The following PVT1 variants were observed in gnomAD, a reference collection of about 807,000 sequenced individuals.
PVT1 encodes CXCR4/PVT1 fusion.
At chr8:127,818,151 G>A (rs1401364051) in intron 2 of PVT1, among the ~76,000 whole-genome samples, 1 of 152,188 alleles carries the variant, frequency 6.6e-6, no homozygotes, top group African/African-American at 2.4e-5. Context: ...ACTTGCCCAG[G>A]TGGGATTTCA....
At chr8:127,944,206 A>G (rs73359224) in intron 3 of PVT1, among the ~76,000 whole-genome samples, 2,845 of 152,242 alleles carry the variant, frequency 0.019, 93 homozygotes, top group African/African-American at 0.065. Context: ...TCCTGCTTCA[A>G]CATCCCAAAG....
intron 3 of PVT1, among the ~76,000 whole-genome samples, chr8:127,928,014 C>A (rs1413064100): frequency 6.6e-6 from 1 of 152,198 alleles, no homozygotes; most frequent in Non-Finnish European, 1.5e-5. Context: ...GGGGCCATCT[C>A]CCACTACCTA....
intron 2 of PVT1, among the ~76,000 whole-genome samples, chr8:127,831,468 A>G (rs1814850221): frequency 6.6e-6 from 1 of 152,138 alleles, no homozygotes. Flanking sequence ...CCAACTAGGT[A>G]CTTGGCAAAG....
chr8:128,010,807 C>T (rs1031744327), intron 4 of PVT1, among the ~76,000 whole-genome samples: 16 of 152,280 alleles, frequency 1.1e-4, no homozygotes, highest in African/African-American at 3.6e-4. Context: ...TGTTGAATCA[C>T]ACACACTTGA....
intron 3 of PVT1, among the ~76,000 whole-genome samples, chr8:127,965,930 G>A (rs1816698845): frequency 6.6e-6 from 1 of 152,232 alleles, no homozygotes; most frequent in Non-Finnish European, 1.5e-5. Flanking sequence ...CTTTTGGAAA[G>A]ACTACTTTGA....
intron 4 of PVT1, among the ~76,000 whole-genome samples, chr8:127,995,827 C>T (rs1031768402): frequency 1.3e-5 from 2 of 152,150 alleles, no homozygotes; most frequent in African/African-American, 2.4e-5. Flanking sequence ...CTCCAGTTTG[C>T]AAATGAAGGA....
intron 2 of PVT1, among the ~76,000 whole-genome samples, chr8:127,885,547 CT>C (rs1027680293): frequency 1.3e-5 from 2 of 152,118 alleles, no homozygotes; most frequent in Non-Finnish European, 2.9e-5. Flanking sequence ...TTTTATACCT[CT>C]TTTATAAGGG....
intron 4 of PVT1, among the ~76,000 whole-genome samples, chr8:128,040,329 C>T (rs960772519): frequency 2.0e-5 from 3 of 152,308 alleles, no homozygotes; most frequent in African/African-American, 7.2e-5. Context: ...ATTCTGACCC[C>T]ACATTGCCTT....
intron 2 of PVT1, among the ~76,000 whole-genome samples, chr8:127,823,930 C>T (rs1262647074): frequency 3.9e-5 from 6 of 152,280 alleles, no homozygotes; most frequent in African/African-American, 9.6e-5. Flanking sequence ...AGGTGGCTCA[C>T]GCCTGTAATC....
In PVT1 at chr8:127,910,378, C is replaced by T. The variant is rs531977968; in HGVS notation, n.782+19380C>T. 4.7e-4 allele frequency among the ~76,000 whole-genome samples: 71 copies of T among 152,330 alleles called. 1 individual carries two copies. The South Asian group carries it at 6.6e-3, about 14-fold the overall frequency. On this transcript the variant is annotated intron_variant and non_coding_transcript_variant, in intron 3 of 10. Transcript: ENST00000651587. ...ACTCTATTGCCTTGGCTTCTCCAAACTTTGGTGTCCTCATCTGCAAACTGG... is the reference window on the plus strand; with the variant it reads ...ACTCTATTGCCTTGGCTTCTCCAAATTTTGGTGTCCTCATCTGCAAACTGG...
chr8:127,856,604 G>A (rs1815163360), intron 2 of PVT1, among the ~76,000 whole-genome samples: 2 of 152,120 alleles, frequency 1.3e-5, no homozygotes, highest in South Asian at 2.1e-4. Flanking sequence ...GCCTTCCAAA[G>A]TGCTGGGATT....
intron 4 of PVT1, among the ~76,000 whole-genome samples, chr8:128,001,396 G>T (rs187959508): frequency 1.3e-5 from 2 of 151,988 alleles, no homozygotes; most frequent in Admixed American, 1.3e-4. Flanking sequence ...CAGTGCTGAG[G>T]GGGGAAGTGA....
At chr8:128,035,528 C>T (rs965140156) in intron 4 of PVT1, among the ~76,000 whole-genome samples, 3 of 152,136 alleles carry the variant, frequency 2.0e-5, no homozygotes, top group African/African-American at 4.8e-5. Context: ...AATGTGATGA[C>T]GAGTAAGACA....
At chr8:128,079,004 C>CTTTTT (rs200203311) in intron 5 of PVT1, among the ~76,000 whole-genome samples, 5 of 127,952 alleles carry the variant, frequency 3.9e-5, no homozygotes, top group African/African-American at 5.7e-5. Context: ...CTTTTCTTTT[C>CTTTTT]TTTTTTTTTT....
At chr8:128,099,301 C>T (rs1814470330) in intron 6 of PVT1, 1 of 152,238 alleles carries the variant, frequency 6.6e-6, no homozygotes, top group South Asian at 2.1e-4. Flanking sequence ...GGCCAAGAGA[C>T]CTCTAGGTCA....
intron 3 of PVT1, chr8:127,960,717 A>C (rs1816630298): frequency 2.0e-6 from 1 of 510,014 alleles, no homozygotes; most frequent in African/African-American, 2.0e-5. Flanking sequence ...AGACACAAAA[A>C]CTGAGGCATA....
At chr8:127,812,710 A>G (rs1814612451) in intron 2 of PVT1, among the ~76,000 whole-genome samples, 1 of 149,316 alleles carries the variant, frequency 6.7e-6, no homozygotes, top group East Asian at 1.9e-4. Flanking sequence ...GGAGGGAAGG[A>G]GGGAAGAAAA....
intron 2 of PVT1, among the ~76,000 whole-genome samples, chr8:127,858,810 T>TTTTTTTTTTTC (rs1815189491): frequency 2.5e-5 from 3 of 121,392 alleles, no homozygotes; most frequent in Non-Finnish European, 5.0e-5. Context: ...AGATTCTTTT[T>TTTTTTTTTTTC]TTTTTTTTTT....
At chr8:127,897,477 A>G (rs1815693801) in intron 3 of PVT1, among the ~76,000 whole-genome samples, 1 of 151,308 alleles carries the variant, frequency 6.6e-6, no homozygotes, top group South Asian at 2.1e-4. Flanking sequence ...TAAGAAAGAA[A>G]GAGAGAAAGA....
Sources: gnomAD v4.1 joint callset for allele counts (sites outside exome capture counted in the v4.1 genomes callset) on GRCh38, gnomAD v4.1.1 for gene constraint, MANE v1.5 for transcripts, NCBI Gene and HGNC (gene_info 2026-07-23, HGNC 2026-07-21) for gene names.